NLRP13: variants seen among roughly 807,000 people sequenced by gnomAD.
The protein encoded by NLRP13 is NLR family pyrin domain containing 13, also known as NACHT, LRR and PYD domains-containing protein 13.
A neutral mutation model predicts 94.4 loss-of-function variants in NLRP13; 82 were observed. The observed-to-expected ratio is 0.87, with a 90% CI of 0.73 to 1.04. NLRP13 has a LOEUF of 1.04. Among genes scored for constraint, NLRP13 ranks in the 50% least tolerant of loss-of-function variants. The pLI is 0.00. For missense variants in NLRP13, 1,426 were observed against 1,230.8 expected, an observed-to-expected ratio of 1.16 and a Z score of -2.37; for synonymous variants, 553 against 464.7, an observed-to-expected ratio of 1.19 and a Z score of -2.45.
In NLRP13 at chr19:55,896,014, A is replaced by T. The variant is rs752931431; in HGVS notation, c.3063T>A (p.Asp1021Glu). The T allele has an allele frequency of 6.2e-7, 1 of 1,614,108 alleles. No homozygotes were observed. Among genetic ancestry groups the T allele is most frequent in the Non-Finnish European group, 8.5e-7 (1 of 1,180,040 alleles). The change falls in exon 11 of 11, where the codon GAT (aspartate) becomes GAA (glutamate). Residue 1021 changes from aspartate to glutamate, a missense_variant. Coordinates refer to ENST00000342929, the MANE Select transcript of NLRP13 (RefSeq NM_176810.2). ...VNLNLLGNEL[D>E]TDGVKMLCKA... ...TACATAGCATCTTGACACCATCAGT[A>T]TCCAATTCATTGCCTAGAAGGTTCA...
At chr19:55,907,705 G>A in intron 7 of NLRP13, 87 bp downstream of exon 7, 2 of 1,249,934 alleles carry the variant, frequency 1.6e-6, no homozygotes, top group Admixed American at 3.7e-5. Flanking sequence ...CTACAAGGCT[G>A]AGTGCTGTCA....
chr19:55,903,108 G>T (rs912984991), intron 8 of NLRP13, among the ~76,000 whole-genome samples: 4 of 151,900 alleles, frequency 2.6e-5, no homozygotes, highest in African/African-American at 7.3e-5. Context: ...TAATAGAGTT[G>T]TAATAATATA....
chr19:55,931,745 A>AGAAAGAAAGAAAG (rs1239845592), intron 1 of NLRP13, among the ~76,000 whole-genome samples: 1 of 119,540 alleles, frequency 8.4e-6, no homozygotes, highest in East Asian at 2.8e-4. Flanking sequence ...AAAGAAAGAA[A>AGAAAGAAAGAAAG]AAGGCTTATA....
chr19:55,892,030 T>TA, downstream of NLRP13: 1 of 1,139,558 alleles, frequency 8.8e-7, no homozygotes, highest in Non-Finnish European at 1.1e-6. Context: ...TCAAGGTCAT[T>TA]AAAATCCCAC....
chr19:55,908,487 C>T (rs1271330239), intron 6 of NLRP13, among the ~76,000 whole-genome samples: 4 of 152,174 alleles, frequency 2.6e-5, no homozygotes, highest in Non-Finnish European at 5.9e-5. Context: ...TTCATTGCAG[C>T]ACTATTCACA....
intron 1 of NLRP13, 61 bp from the exon 2 acceptor site, chr19:55,925,096 A>C: frequency 6.9e-7 from 1 of 1,450,734 alleles, no homozygotes; most frequent in Non-Finnish European, 9.7e-7. Flanking sequence ...ACCAGCAATA[A>C]TGGAGTCTCT....
rs1986482945 is a variant in NLRP13, at chr19:55,910,672, T to C, written c.2173A>G (p.Asn725Asp). 2 of 1,613,964 alleles carry C rather than the reference T, an allele frequency of 1.2e-6. No individual in the cohort carries two copies. Among genetic ancestry groups the C allele is most frequent in the Non-Finnish European group, 1.7e-6 (2 of 1,179,850 alleles). ...AGGTCTAGCTCATGCAGATTCTCATTTGTGACCAACGTAGAGCAAATGCTG... is the reference window on the plus strand; with the variant it reads ...AGGTCTAGCTCATGCAGATTCTCATCTGTGACCAACGTAGAGCAAATGCTG... ...WNSICSTLVT[N>D]ENLHELDLSN... Residue 725 changes from asparagine to aspartate, a missense_variant, in exon 6 of 11, where the codon AAT becomes GAT. By Grantham distance (23) the Asn-to-Asp change is conservative. Transcript: ENST00000342929.
chr19:55,896,057 C>A lies in NLRP13; in HGVS notation c.3020G>T (p.Ser1007Ile), dbSNP rs1344902529. 16 of 1,614,080 alleles carry A rather than the reference C, an allele frequency of 9.9e-6. No individual in the cohort carries two copies. Among genetic ancestry groups the A allele is most frequent in the African/African-American group, 2.7e-5 (2 of 74,940 alleles). Residue 1007 changes from serine (S) to isoleucine (I), a missense_variant, in exon 11 of 11, where the codon AGT becomes ATT. Transcript: ENST00000342929. ...AAGGTTCAGATTGACCAGGCTCTTA[C>A]TGCTGCTGAGAACAGAGAAGAGATG... ...CQHLFSVLSS[S>I]KSLVNLNLLG... is the part of the protein sequence containing the mutation.
rs971750160 is a variant in NLRP13 at position 55,900,722 on chromosome 19, G to C, written c.2789+1313C>G. Reference sequence around the variant, plus strand: ...ACCCAGGAGGCTGAGCTTGCAGTGAGCTGAGATCACACCACTGCACTCCAG... The same window carrying C: ...ACCCAGGAGGCTGAGCTTGCAGTGACCTGAGATCACACCACTGCACTCCAG... On this transcript the variant is annotated intron_variant, in intron 9 of 10. Coordinates refer to ENST00000342929, the MANE Select transcript of NLRP13 (RefSeq NM_176810.2). Among the ~76,000 whole-genome samples the C allele has an allele frequency of 6.0e-5, 9 of 149,532 alleles. No individual in the cohort carries two copies. The Admixed American group carries it at 6.1e-4, about 10-fold the overall frequency.
Position 55,911,707 on chromosome 19 carries a change from C to T in NLRP13, c.2110G>A (p.Glu704Lys), listed in dbSNP as rs770624931. ...AAAGAAATGGTTTGTAATACTCACT[C>T]CAGAATTTCCAAGTCCCTTTCAAGG... is the stretch of plus-strand genomic sequence containing the variant. ...HILERDLEILETSKFDSRMHA... is the reference protein window; with the variant it reads ...HILERDLEILKTSKFDSRMHA... Residue 704 changes from glutamate to lysine, a missense_variant and splice_region_variant, in exon 5 of 11, where the codon GAG (glutamate) becomes AAG (lysine). Transcript: ENST00000342929. 66 of 1,591,656 alleles carry T rather than the reference C, an allele frequency of 4.1e-5. No individual in the cohort carries two copies. The highest frequency in any genetic ancestry group is 1.7e-4 in the Middle Eastern group (1 of 5,950).
intron 5 of NLRP13, among the ~76,000 whole-genome samples, chr19:55,911,060 T>TG (rs962178472): frequency 6.6e-6 from 1 of 152,006 alleles, no homozygotes; most frequent in African/African-American, 2.4e-5. Flanking sequence ...TGTCAGGGTG[T>TG]GGGGGTTGCA....
In NLRP13 at chr19:55,932,285, G is replaced by T; in HGVS notation, c.27C>A (p.Pro9=). MNFSVITC[P]NGGTNQGLLP... ...GAAGCCCTTGGTTGGTACCACCGTT[G>T]GGGCAGGTGATTACAGAAAAGTTCA... Residue 9 remains proline, a synonymous_variant, in exon 1 of 11, where the codon CCC becomes CCA. Coordinates refer to ENST00000342929, the MANE Select transcript of NLRP13 (RefSeq NM_176810.2). The T allele has an allele frequency of 6.2e-7, 1 of 1,607,882 alleles. No individual in the cohort carries two copies.
intron 4 of NLRP13, among the ~76,000 whole-genome samples, chr19:55,918,889 C>A (rs897912106): frequency 2.0e-5 from 3 of 151,996 alleles, no homozygotes; most frequent in Admixed American, 6.6e-5. Flanking sequence ...AAGCCAGTAT[C>A]ATCCTGATGC....
intron 6 of NLRP13, among the ~76,000 whole-genome samples, chr19:55,909,565 T>G (rs983169980): frequency 6.6e-6 from 1 of 151,460 alleles, no homozygotes; most frequent in Non-Finnish European, 1.5e-5. Context: ...TCCTAATTTA[T>G]AGCTTTGCCA....
In NLRP13 at chr19:55,902,034, C is replaced by T. The variant is rs777939855; in HGVS notation, c.2789+1G>A. 6.2e-7 allele frequency: 1 copy of T among 1,613,954 alleles called. No homozygotes were observed. Among genetic ancestry groups the T allele is most frequent in the Non-Finnish European group, 8.5e-7 (1 of 1,179,880 alleles). ...ACTCAGAGGGAGCCAAGAAAACTTA[C>T]TTCAGGCTCTGCAGGTTACCATCTG... On this transcript the variant is annotated splice_donor_variant, in intron 9 of 10. Coordinates refer to ENST00000342929, the MANE Select transcript of NLRP13 (RefSeq NM_176810.2). LOFTEE classifies it high-confidence loss of function.
At chr19:55,905,994 A>G (rs1017306763) in intron 7 of NLRP13, among the ~76,000 whole-genome samples, 34 of 152,180 alleles carry the variant, frequency 2.2e-4, no homozygotes, top group Non-Finnish European at 4.4e-4. Context: ...TGAGATAGCC[A>G]TGATCAAAGT....
intron 4 of NLRP13, among the ~76,000 whole-genome samples, chr19:55,917,723 T>C (rs1418276680): frequency 1.3e-5 from 2 of 150,504 alleles, no homozygotes; most frequent in Non-Finnish European, 3.0e-5. Flanking sequence ...CAAGAAGATA[T>C]AATAATCCTA....
At chr19:55,895,619 G>T (rs1457753065), downstream of NLRP13, among the ~76,000 whole-genome samples, 1 of 152,112 alleles carries the variant, frequency 6.6e-6, no homozygotes, top group African/African-American at 2.4e-5. Flanking sequence ...GGAGGTGGAG[G>T]TTGCAGTGAA....
chr19:55,912,973 C>G lies in NLRP13; in HGVS notation c.844G>C (p.Ala282Pro), dbSNP rs1986568600. The G allele has an allele frequency of 6.8e-6, 11 of 1,614,142 alleles. No individual in the cohort carries two copies. Among genetic ancestry groups the G allele is most frequent in the Non-Finnish European group, 9.3e-6 (11 of 1,179,978 alleles). Reference protein sequence around the residue: ...KIRYMKETTFAELISLDWPDF... With the variant: ...KIRYMKETTFPELISLDWPDF... ...GGCCAATCCAAAGAAATCAATTCAG[C>G]AAAGGTAGTTTCCTTCATGTACCTT... Residue 282 changes from alanine (A) to proline (P), a missense_variant, in exon 5 of 11, where the codon GCT becomes CCT. Ala to Pro is a conservative substitution (Grantham distance 27, BLOSUM62 -1). Coordinates refer to ENST00000342929, the MANE Select transcript of NLRP13 (RefSeq NM_176810.2).
Sources: gnomAD v4.1 joint callset for allele counts (sites outside exome capture counted in the v4.1 genomes callset) on GRCh38, gnomAD v4.1.1 for gene constraint, MANE v1.5 for transcripts, NCBI Gene and HGNC (gene_info 2026-07-23, HGNC 2026-07-21) for gene names.